The following FARSB variants were observed in gnomAD, a reference collection of about 807,000 sequenced individuals.
The protein encoded by FARSB is phenylalanine--tRNA ligase beta subunit.
FARSB carries 40 observed loss-of-function variants against 69.6 expected under a neutral mutation model. The observed-to-expected ratio is 0.57, with a 90% CI of 0.45 to 0.75. The LOEUF is 0.75. FARSB is among the 30% of genes least tolerant of loss of function. FARSB has a pLI of 0.00. For missense variants in FARSB, 632 were observed against 722.9 expected (o/e 0.87, Z 1.44); for synonymous variants, 235 against 247.2 (o/e 0.95, Z 0.46).
At chr2:222,617,505 G>A (rs1056387961) in intron 14 of FARSB, among the ~76,000 whole-genome samples, 7 of 152,140 alleles carry the variant, frequency 4.6e-5, no homozygotes, top group Non-Finnish European at 7.4e-5. Flanking sequence ...ACTGGGTGAC[G>A]GGTTCAGTCA....
intron 15 of FARSB, among the ~76,000 whole-genome samples, chr2:222,603,217 G>A (rs1285148452): frequency 6.6e-6 from 1 of 152,014 alleles, no homozygotes; most frequent in East Asian, 1.9e-4. Context: ...TAATATCTGA[G>A]GGAATAAACT....
At chr2:222,642,354 T>G (rs1257491334) in intron 3 of FARSB, among the ~76,000 whole-genome samples, 1 of 152,200 alleles carries the variant, frequency 6.6e-6, no homozygotes, top group Non-Finnish European at 1.5e-5. Flanking sequence ...TCTTCTTCAT[T>G]ATAGATTAGG....
Position 222,640,849 on chromosome 2 carries a change from T to G in FARSB, c.339+13A>C, listed in dbSNP as rs1215128797. On this transcript the variant is annotated intron_variant, in intron 4 of 16. Coordinates refer to ENST00000281828, the MANE Select transcript of FARSB (RefSeq NM_005687.5). ...AAATTTTTAAAAGAAAAATAAGAAT[T>G]TGTCCTTATTACCTCTTCTGTGATA... 1 of 1,421,252 alleles carries G rather than the reference T, an allele frequency of 7.0e-7. No individual in the cohort carries two copies. The allele number at this position is 1,421,252 out of a possible 1,614,324, so 88.0% of individuals were successfully genotyped here. A position where few individuals can be genotyped will look rare whatever the true frequency, so the allele number is the denominator to read the frequency against.
chr2:222,653,621 T>C (rs1333874604), intron 1 of FARSB, among the ~76,000 whole-genome samples: 6 of 151,326 alleles, frequency 4.0e-5, no homozygotes, highest in Admixed American at 3.3e-4. Flanking sequence ...CATCAATCCT[T>C]CTGACTGAAT....
chr2:222,584,614 T>C (rs1482199504), intron 16 of FARSB, among the ~76,000 whole-genome samples: 1 of 152,186 alleles, frequency 6.6e-6, no homozygotes, highest in Non-Finnish European at 1.5e-5. Context: ...TGACAGACGG[T>C]ACCTGGAAAA....
intron 16 of FARSB, among the ~76,000 whole-genome samples, chr2:222,580,888 T>C (rs1689951201): frequency 6.6e-6 from 1 of 152,112 alleles, no homozygotes; most frequent in East Asian, 1.9e-4. Context: ...TTCTGGTTCT[T>C]GGAAGGGGAG....
chr2:222,655,606 C>T (rs1007675796), intron 1 of FARSB, among the ~76,000 whole-genome samples: 1 of 152,184 alleles, frequency 6.6e-6, no homozygotes, highest in African/African-American at 2.4e-5. Flanking sequence ...GGTGGAATGC[C>T]GTTCTCCACC....
rs143753259 is a variant in FARSB, at chr2:222,605,808, A to G, written c.1463-5725T>C. On this transcript the variant is annotated intron_variant, in intron 15 of 16. Coordinates refer to ENST00000281828, the MANE Select transcript of FARSB (RefSeq NM_005687.5). The stretch of plus-strand genomic sequence containing the variant: ...TAGCCAGGCACACTGGTGGTGTCAT[A>G]TGCCTGTAGTCCCAGCTCCTTGGGA... Among the ~76,000 whole-genome samples, 221 of 152,244 alleles carry G rather than the reference A, an allele frequency of 1.5e-3. 1 individual carries two copies. Among genetic ancestry groups the G allele is most frequent in the Admixed American group, 0.013 (193 of 15,292 alleles).
chr2:222,602,573 TC>T (rs1266676891), intron 15 of FARSB, among the ~76,000 whole-genome samples: 5 of 150,686 alleles, frequency 3.3e-5, no homozygotes, highest in African/African-American at 1.2e-4. Context: ...AGGTGGCTTT[TC>T]TTTTTTTTTT....
At chr2:222,582,882 G>C (rs1478941803) in intron 16 of FARSB, among the ~76,000 whole-genome samples, 1 of 150,666 alleles carries the variant, frequency 6.6e-6, no homozygotes, top group Non-Finnish European at 1.5e-5. Context: ...CCGAGATCAC[G>C]CCACTGCACT....
At chr2:222,574,594 G>T (rs1398508900) in intron 16 of FARSB, among the ~76,000 whole-genome samples, 1 of 152,106 alleles carries the variant, frequency 6.6e-6, no homozygotes, top group Admixed American at 6.5e-5. Context: ...GAAGCATGCT[G>T]CCCTATCATC....
chr2:222,634,326 G>A, intron 6 of FARSB, 65 bp downstream of exon 6: 1 of 1,190,648 alleles, frequency 8.4e-7, no homozygotes, highest in Non-Finnish European at 1.2e-6. Context: ...CTAGTTGCAA[G>A]GCTTGACTTT....
At chr2:222,606,021 A>T (rs1387235582) in intron 15 of FARSB, among the ~76,000 whole-genome samples, 2 of 152,224 alleles carry the variant, frequency 1.3e-5, no homozygotes, top group Non-Finnish European at 2.9e-5. Flanking sequence ...ACAATAATGA[A>T]CTATATATTT....
At chr2:222,638,053 A>G (rs1431394907) in intron 5 of FARSB, among the ~76,000 whole-genome samples, 1 of 152,210 alleles carries the variant, frequency 6.6e-6, no homozygotes, top group Non-Finnish European at 1.5e-5. Flanking sequence ...AGGAAAAAAA[A>G]GAGAGAAGAC....
intron 16 of FARSB, among the ~76,000 whole-genome samples, chr2:222,573,703 G>GA (rs1206899740): frequency 6.6e-6 from 1 of 152,042 alleles, no homozygotes; most frequent in African/African-American, 2.4e-5. Context: ...GAACTGGAAG[G>GA]ACTGCTGGGA....
chr2:222,601,964 AG>A (rs1390323416), intron 15 of FARSB, among the ~76,000 whole-genome samples: 1 of 152,180 alleles, frequency 6.6e-6, no homozygotes, highest in Non-Finnish European at 1.5e-5. Context: ...GCCCAGCTAA[AG>A]GCAATATTTT....
At chr2:222,649,598 T>G (rs1691974006) in intron 1 of FARSB, among the ~76,000 whole-genome samples, 1 of 152,234 alleles carries the variant, frequency 6.6e-6, no homozygotes, top group Non-Finnish European at 1.5e-5. Flanking sequence ...TGGTATCTTG[T>G]GTCAACATTA....
intron 14 of FARSB, among the ~76,000 whole-genome samples, chr2:222,616,873 A>T (rs1691011240): frequency 6.6e-6 from 1 of 152,206 alleles, no homozygotes; most frequent in Non-Finnish European, 1.5e-5. Flanking sequence ...TAGCCAAATT[A>T]ATGATGGTAG....
At chr2:222,632,428 G>A (rs1691456073) in intron 7 of FARSB, among the ~76,000 whole-genome samples, 1 of 152,106 alleles carries the variant, frequency 6.6e-6, no homozygotes, top group Non-Finnish European at 1.5e-5. Flanking sequence ...GTTAACTCTG[G>A]GGCCCATGTT....
Sources: allele counts gnomAD v4.1 joint callset (sites outside exome capture counted in the v4.1 genomes callset), GRCh38; gene constraint gnomAD v4.1.1; transcripts MANE v1.5; gene names NCBI Gene and HGNC (gene_info 2026-07-23, HGNC 2026-07-21).